The following GDAP2 variants were observed in gnomAD, a reference collection of about 807,000 sequenced individuals.
GDAP2 encodes the protein ganglioside-induced differentiation-associated protein 2.
GDAP2 carries 51 observed loss-of-function variants against 67.0 expected under a neutral mutation model. The ratio of observed to expected loss-of-function variants is 0.76; its 90% CI spans 0.61 to 0.96. GDAP2 has a LOEUF of 0.96. Ranked by LOEUF, GDAP2 falls within the 40% of genes least tolerant of loss-of-function variation. The probability of loss-of-function intolerance (pLI) is 0.00; values close to 1 mark genes in which losing one functional copy is unlikely to be tolerated. For synonymous variants in GDAP2, 203 were observed against 207.3 expected (o/e 0.98, Z 0.18); for missense variants, 547 against 588.3 (o/e 0.93, Z 0.73).
At chr1:117,899,641 A>G (rs1166751016) in intron 6 of GDAP2, among the ~76,000 whole-genome samples, 1 of 152,090 alleles carries the variant, frequency 6.6e-6, no homozygotes, top group Non-Finnish European at 1.5e-5. Flanking sequence ...CATGATGTTT[A>G]TTCTTTCTTA....
At chr1:117,882,024 G>A in intron 11 of GDAP2, 147 bp from the exon 12 acceptor site, 1 of 569,814 alleles carries the variant, frequency 1.8e-6, no homozygotes, top group East Asian at 2.8e-5. Context: ...TTGAATTTTA[G>A]GTGAATGCCA....
chr1:117,903,291 A>C (rs930580458), intron 6 of GDAP2, among the ~76,000 whole-genome samples: 2 of 152,098 alleles, frequency 1.3e-5, no homozygotes, highest in African/African-American at 4.8e-5. Flanking sequence ...AAATGTCTTG[A>C]CTAGAAACTC....
At chr1:117,880,967 T>C (rs1648628620) in intron 12 of GDAP2, among the ~76,000 whole-genome samples, 1 of 152,170 alleles carries the variant, frequency 6.6e-6, no homozygotes, top group Non-Finnish European at 1.5e-5. Context: ...AACACATTTT[T>C]GTGACAGAGA....
intron 5 of GDAP2, among the ~76,000 whole-genome samples, chr1:117,911,624 T>C (rs1044588602): frequency 6.6e-6 from 1 of 152,112 alleles, no homozygotes; most frequent in African/African-American, 2.4e-5. Context: ...TGACCCGTTA[T>C]TCAAATGGAT....
chr1:117,911,668 T>A (rs981523332), intron 5 of GDAP2, among the ~76,000 whole-genome samples: 3 of 151,942 alleles, frequency 2.0e-5, no homozygotes, highest in African/African-American at 4.8e-5. Flanking sequence ...AATTGAGAGC[T>A]CTGCAACTTG....
chr1:117,870,991 T>C (rs1648239067), intron 13 of GDAP2, among the ~76,000 whole-genome samples: 2 of 152,200 alleles, frequency 1.3e-5, no homozygotes, highest in African/African-American at 4.8e-5. Flanking sequence ...TAAAGTTACC[T>C]AGTTGGTAAC....
At chr1:117,877,768 G>C in intron 13 of GDAP2, 1 of 1,216,414 alleles carries the variant, frequency 8.2e-7, no homozygotes, top group Non-Finnish European at 1.0e-6. Context: ...AATTGGTTCT[G>C]AACTCACAGC....
chr1:117,926,363 T>C (rs1017605202), intron 1 of GDAP2, among the ~76,000 whole-genome samples: 12 of 152,234 alleles, frequency 7.9e-5, no homozygotes, highest in African/African-American at 1.2e-4. Context: ...TCCCTGATCA[T>C]ACCTGGTCAG....
At chr1:117,885,343 T>G (rs1648814674) in intron 10 of GDAP2, among the ~76,000 whole-genome samples, 1 of 152,028 alleles carries the variant, frequency 6.6e-6, no homozygotes, top group East Asian at 1.9e-4. Flanking sequence ...GACGAAAAAA[T>G]GTGAAAGACA....
chr1:117,912,174 TCTC>T (rs1254979132), intron 4 of GDAP2, 92 bp from the exon 5 acceptor site: 39 of 759,826 alleles, frequency 5.1e-5, no homozygotes, highest in Middle Eastern at 4.8e-4. Flanking sequence ...TAGCTCAACT[TCTC>T]CTTTCCTCCC....
chr1:117,902,448 G>A (rs1281460695), intron 6 of GDAP2, among the ~76,000 whole-genome samples: 1 of 152,156 alleles, frequency 6.6e-6, no homozygotes, highest in Admixed American at 6.5e-5. Context: ...CTTACATTGA[G>A]GTCCTAGATT....
rs1416325315 is a variant in GDAP2 at position 117,866,827 on chromosome 1, C to G, written c.*3742G>C. On this transcript the variant is annotated 3_prime_UTR_variant, in exon 14 of 14. Transcript: ENST00000369443. ...CGAGATCGTGCCATTGCACTCCAGC[C>G]TGGGTGACCAAAAAAAAAAAAAAAG... 2.1e-5 allele frequency: 3 copies of G among 145,288 alleles called. No homozygotes were observed. The highest frequency in any genetic ancestry group is 4.0e-4 in the East Asian group (2 of 5,030). The allele number at this position is 145,288 out of a possible 1,614,324, so 9.0% of individuals were successfully genotyped here. A position where few individuals can be genotyped will look rare whatever the true frequency, so the allele number is the denominator to read the frequency against.
At chr1:117,894,968 C>G (rs1649217535) in intron 8 of GDAP2, among the ~76,000 whole-genome samples, 1 of 152,048 alleles carries the variant, frequency 6.6e-6, no homozygotes, top group Non-Finnish European at 1.5e-5. Flanking sequence ...TTTTTTGATA[C>G]TGTGTAATGA....
At chr1:117,927,997 T>G (rs1245187996) in intron 1 of GDAP2, among the ~76,000 whole-genome samples, 1 of 152,226 alleles carries the variant, frequency 6.6e-6, no homozygotes, top group Non-Finnish European at 1.5e-5. Flanking sequence ...CACTCACAGT[T>G]GCTCTGATAC....
chr1:117,886,390 A>G (rs961841857), intron 10 of GDAP2, among the ~76,000 whole-genome samples, 187 bp downstream of exon 10: 3 of 152,120 alleles, frequency 2.0e-5, no homozygotes, highest in African/African-American at 7.2e-5. Context: ...TATTTCTTGG[A>G]CAGAGAAAAA....
Position 117,896,908 on chromosome 1 carries a change from T to C in GDAP2, c.878A>G (p.Asp293Gly). 2 of 1,611,946 alleles carry C rather than the reference T, an allele frequency of 1.2e-6. No homozygotes were observed. Among genetic ancestry groups the C allele is most frequent in the Non-Finnish European group, 1.7e-6 (2 of 1,178,194 alleles). Residue 293 changes from aspartate (D) to glycine (G), a missense_variant, in exon 8 of 14, where the codon GAT becomes GGT. Transcript: ENST00000369443. ...GSHAFARMEGDIDKQRKLILQ... is the reference protein window; with the variant it reads ...GSHAFARMEGGIDKQRKLILQ... ...GATCAGTTTTCTTTGCTTGTCAATA[T>C]CTCCTTCCATTCGAGCAAAAGCATG...
At chr1:117,927,194 A>G (rs1339255533) in intron 1 of GDAP2, among the ~76,000 whole-genome samples, 1 of 152,116 alleles carries the variant, frequency 6.6e-6, no homozygotes, top group Non-Finnish European at 1.5e-5. Flanking sequence ...GTGCAGTGTA[A>G]ACAGCTCTCA....
intron 12 of GDAP2, among the ~76,000 whole-genome samples, chr1:117,880,316 A>C (rs1446326893): frequency 6.6e-6 from 1 of 152,200 alleles, no homozygotes; most frequent in Non-Finnish European, 1.5e-5. Flanking sequence ...AGAAGTGATC[A>C]ACTGTGTTTA....
At chr1:117,888,564 G>A (rs538570702) in intron 8 of GDAP2, among the ~76,000 whole-genome samples, 33 of 152,108 alleles carry the variant, frequency 2.2e-4, no homozygotes, top group Non-Finnish European at 3.7e-4. Context: ...TTTCCGGAAA[G>A]GTCAGTGCTT....
Sources: allele counts gnomAD v4.1 joint callset (sites outside exome capture counted in the v4.1 genomes callset), GRCh38; gene constraint gnomAD v4.1.1; transcripts MANE v1.5; gene names NCBI Gene and HGNC (gene_info 2026-07-23, HGNC 2026-07-21).